PABPC4L: variants seen among roughly 807,000 people sequenced by gnomAD.
PABPC4L encodes polyadenylate-binding protein 4-like.
For missense variants in PABPC4L, 452 were observed against 451.4 expected, an observed-to-expected ratio of 1.00 and a Z score of -0.01; for synonymous variants, 169 against 164.1, an observed-to-expected ratio of 1.03 and a Z score of -0.23.
chr4:134,147,813 T>C, the PABPC4L span, among the ~76,000 whole-genome samples: 2 of 151,680 alleles, frequency 1.3e-5, no homozygotes, highest in African/African-American at 4.8e-5. Flanking sequence ...TTGAATGCAA[T>C]TAATTGGTTT....
the PABPC4L span, among the ~76,000 whole-genome samples, chr4:134,182,754 T>C: frequency 5.3e-5 from 8 of 151,730 alleles, no homozygotes; most frequent in Non-Finnish European, 1.0e-4. Flanking sequence ...TAAACAAATT[T>C]ACAAGCAAAA....
At chr4:134,143,902 T>C in the PABPC4L span, among the ~76,000 whole-genome samples, 1 of 151,516 alleles carries the variant, frequency 6.6e-6, no homozygotes, top group Admixed American at 6.6e-5. Flanking sequence ...GTCTCTACTT[T>C]TATTATTTAT....
At chr4:134,190,262 C>G in the PABPC4L span, among the ~76,000 whole-genome samples, 24 of 152,088 alleles carry the variant, frequency 1.6e-4, no homozygotes, top group Admixed American at 1.6e-3. Flanking sequence ...ACACATACTT[C>G]TCTGACATAT....
the PABPC4L span, among the ~76,000 whole-genome samples, chr4:134,188,011 TCTAA>T: frequency 6.6e-6 from 1 of 152,094 alleles, no homozygotes; most frequent in African/African-American, 2.4e-5. Flanking sequence ...CCAGACTTTT[TCTAA>T]CTTTTATAAT....
At chr4:134,177,064 C>A in the PABPC4L span, among the ~76,000 whole-genome samples, 1 of 152,108 alleles carries the variant, frequency 6.6e-6, no homozygotes, top group African/African-American at 2.4e-5. Context: ...AGCTTCCAGC[C>A]CAGTGGTCCT....
the PABPC4L span, among the ~76,000 whole-genome samples, chr4:134,097,315 A>C: frequency 6.6e-6 from 1 of 151,920 alleles, no homozygotes; most frequent in Admixed American, 6.6e-5. Flanking sequence ...ACATCCACTA[A>C]ACAGCTGAAC....
At chr4:134,005,868 G>A in the PABPC4L span, among the ~76,000 whole-genome samples, 2 of 151,552 alleles carry the variant, frequency 1.3e-5, no homozygotes, top group Non-Finnish European at 2.9e-5. Flanking sequence ...CCAAGCAAAC[G>A]ACAGGGAACA....
At chr4:134,078,155 AG>A in the PABPC4L span, among the ~76,000 whole-genome samples, 574 of 152,342 alleles carry the variant, frequency 3.8e-3, 2 homozygotes, top group African/African-American at 0.013. Context: ...CTAAAGTAAA[AG>A]CTTACATAAG....
chr4:134,000,005 G>T, the PABPC4L span, among the ~76,000 whole-genome samples: 1 of 151,980 alleles, frequency 6.6e-6, no homozygotes, highest in African/African-American at 2.4e-5. Context: ...AAATTGGCTT[G>T]TAAGTTATAT....
At chr4:134,135,896 C>T in the PABPC4L span, among the ~76,000 whole-genome samples, 14 of 151,966 alleles carry the variant, frequency 9.2e-5, no homozygotes, top group Non-Finnish European at 1.2e-4. Context: ...TTCCCTATCA[C>T]TCGATTGAAT....
chr4:134,085,048 ATGG>A, the PABPC4L span, among the ~76,000 whole-genome samples: 3 of 152,014 alleles, frequency 2.0e-5, no homozygotes, highest in African/African-American at 7.2e-5. Context: ...CCTCCTGCAA[ATGG>A]TGCGAATTTC....
chr4:134,013,997 G>T, the PABPC4L span, among the ~76,000 whole-genome samples: 2 of 152,058 alleles, frequency 1.3e-5, no homozygotes, highest in African/African-American at 2.4e-5. Context: ...GGAGCTAAAG[G>T]CATAGTCAAG....
the PABPC4L span, among the ~76,000 whole-genome samples, chr4:134,002,330 A>G: frequency 6.6e-6 from 1 of 151,860 alleles, no homozygotes; most frequent in South Asian, 2.1e-4. Flanking sequence ...TTTAAAAGTT[A>G]TGTAAAAATT....
chr4:134,122,500 T>A, the PABPC4L span, among the ~76,000 whole-genome samples: 1 of 151,904 alleles, frequency 6.6e-6, no homozygotes. Flanking sequence ...TTTATAGTTT[T>A]GTACACTACA....
the PABPC4L span, among the ~76,000 whole-genome samples, chr4:133,999,162 C>A: frequency 6.6e-6 from 1 of 152,044 alleles, no homozygotes; most frequent in Non-Finnish European, 1.5e-5. Flanking sequence ...TAAATATCAA[C>A]AGGTTTCCCT....
At chr4:134,187,182 C>T in the PABPC4L span, among the ~76,000 whole-genome samples, 1 of 152,176 alleles carries the variant, frequency 6.6e-6, no homozygotes, top group Non-Finnish European at 1.5e-5. Context: ...ACCCAGCCAT[C>T]CCATTACGGG....
At chr4:133,957,442 C>G in the PABPC4L span, among the ~76,000 whole-genome samples, 1 of 152,154 alleles carries the variant, frequency 6.6e-6, no homozygotes, top group East Asian at 1.9e-4. Flanking sequence ...AGGGTACAGC[C>G]CCTGCCTCCT....
the PABPC4L span, among the ~76,000 whole-genome samples, chr4:134,139,698 CT>C: frequency 4.7e-5 from 7 of 148,708 alleles, no homozygotes; most frequent in Admixed American, 1.3e-4. Context: ...TATTTTTTTA[CT>C]TTTTTTTTTG....
the PABPC4L span, among the ~76,000 whole-genome samples, chr4:133,980,936 T>A: frequency 1.3e-5 from 2 of 152,174 alleles, no homozygotes; most frequent in African/African-American, 4.8e-5. Context: ...AGTGGGCAGA[T>A]CATTTGAGGT....
Sources: allele counts gnomAD v4.1 joint callset (sites outside exome capture counted in the v4.1 genomes callset), GRCh38; gene constraint gnomAD v4.1.1; transcripts MANE v1.5; gene names NCBI Gene and HGNC (gene_info 2026-07-23, HGNC 2026-07-21).